The following MGAT5 variants were observed in gnomAD, a reference collection of about 807,000 sequenced individuals.
MGAT5 encodes alpha-1,6-mannosylglycoprotein 6-beta-N-acetylglucosaminyltransferase A.
In MGAT5, 30 loss-of-function variants were observed where a neutral mutation model predicts 94.3. The ratio of observed to expected loss-of-function variants is 0.32; its 90% CI spans 0.24 to 0.43. The LOEUF is 0.43. Ranked by LOEUF, MGAT5 falls within the 20% of genes least tolerant of loss-of-function variation. The probability of loss-of-function intolerance (pLI) is 1.00; values close to 1 mark genes in which losing one functional copy is unlikely to be tolerated. For missense variants in MGAT5, 691 were observed against 905.5 expected (o/e 0.76, Z 3.04); for synonymous variants, 310 against 322.9 (o/e 0.96, Z 0.43).
intron 1 of MGAT5, among the ~76,000 whole-genome samples, chr2:134,215,750 T>C (rs1680462208): frequency 6.6e-6 from 1 of 152,202 alleles, no homozygotes; most frequent in Admixed American, 6.5e-5. Flanking sequence ...TTTGGGATCA[T>C]GGGGGTACAC....
intron 2 of MGAT5, among the ~76,000 whole-genome samples, chr2:134,301,302 T>A (rs968530384): frequency 1.3e-5 from 2 of 152,154 alleles, no homozygotes; most frequent in African/African-American, 2.4e-5. Context: ...TCATTTCCAG[T>A]TGTGAGCTGT....
intron 1 of MGAT5, among the ~76,000 whole-genome samples, chr2:134,193,788 G>T (rs980857725): frequency 6.7e-6 from 1 of 150,168 alleles, no homozygotes; most frequent in Non-Finnish European, 1.5e-5. Flanking sequence ...TTAATCAATC[G>T]CGATGAAAGT....
intron 1 of MGAT5, among the ~76,000 whole-genome samples, chr2:134,160,222 G>A (rs1687667115): frequency 6.6e-6 from 1 of 152,160 alleles, no homozygotes; most frequent in South Asian, 2.1e-4. Context: ...TGTCCAGGCT[G>A]GAGTGCAGTG....
chr2:134,122,872 C>T (rs980341196), intron 1 of MGAT5, among the ~76,000 whole-genome samples: 2 of 152,230 alleles, frequency 1.3e-5, no homozygotes, highest in African/African-American at 4.8e-5. Context: ...CCAGATCTGC[C>T]GGTGGCAACC....
rs1446316045 is a variant in MGAT5 at position 134,280,678 on chromosome 2, C to T, written c.406+10128C>T. Among the ~76,000 whole-genome samples, 3 of 152,204 alleles carry T rather than the reference C, an allele frequency of 2.0e-5. No homozygotes were observed. The East Asian group carries it at 5.8e-4, about 29-fold the overall frequency. ...TCCCCCTTCGGGGGACTTGATTAAA[C>T]AGCAGCCACATGATTATGGGACCCT... On this transcript the variant is annotated intron_variant, in intron 2 of 15. Transcript: ENST00000281923.
At chr2:134,144,723 A>G (rs559942096) in intron 1 of MGAT5, among the ~76,000 whole-genome samples, 12 of 152,334 alleles carry the variant, frequency 7.9e-5, no homozygotes, top group African/African-American at 2.6e-4. Flanking sequence ...TTAATTTTAA[A>G]ATAAGTCATA....
chr2:134,330,584 T>TGTGTGTGTGTGTGTGTGTGTGTGTGTG (rs1553447778), intron 4 of MGAT5, among the ~76,000 whole-genome samples: 1 of 151,580 alleles, frequency 6.6e-6, no homozygotes, highest in African/African-American at 2.4e-5. Context: ...TGTGTGTGTG[T>TGTGTGTGTGTGTGTGTGTGTGTGTGTG]TACGAAGCCC....
intron 11 of MGAT5, among the ~76,000 whole-genome samples, 175 bp from the exon 12 acceptor site, chr2:134,412,694 T>C (rs1683739654): frequency 6.6e-6 from 1 of 152,094 alleles, no homozygotes; most frequent in African/African-American, 2.4e-5. Flanking sequence ...GTTTTTCAGA[T>C]CCTGGTGTAA....
rs552173547 is a variant in MGAT5 at position 134,433,160 on chromosome 2, T to C, written c.1869+4721T>C. On this transcript the variant is annotated intron_variant, in intron 14 of 15. Transcript: ENST00000281923. ...TTTTTAGATGAGCCTTTTCTGGAGA[T>C]TTCTGGCTTTCACTTAGCATGATGT... Among the ~76,000 whole-genome samples the C allele has an allele frequency of 3.3e-5, 5 of 152,364 alleles. No homozygotes were observed. In the South Asian group the frequency reaches 1.0e-3, roughly 32 times the overall value.
rs1314106991 is a variant in MGAT5 at position 134,355,069 on chromosome 2, CT to C, written c.1246+5132del. ...TCCCGACCATATTCCTCCCCAGGTCCTGGCCCCGGTCTCACCAAACAGCCTG... is the reference window on the plus strand; with the variant it reads ...TCCCGACCATATTCCTCCCCAGGTCCGGCCCCGGTCTCACCAAACAGCCTG... On this transcript the variant is annotated intron_variant, in intron 9 of 15. Transcript: ENST00000281923. Among the ~76,000 whole-genome samples, 5 of 152,188 alleles carry C rather than the reference CT, an allele frequency of 3.3e-5. No homozygotes were observed. In the East Asian group the frequency reaches 9.6e-4, roughly 29 times the overall value.
At chr2:134,294,912 A>C (rs888598158) in intron 2 of MGAT5, among the ~76,000 whole-genome samples, 1 of 152,180 alleles carries the variant, frequency 6.6e-6, no homozygotes, top group African/African-American at 2.4e-5. Flanking sequence ...AATCAGGACA[A>C]ATACAGAATG....
chr2:134,383,893 G>A lies in MGAT5; in HGVS notation c.1381-19095G>A, dbSNP rs113504361. On this transcript the variant is annotated intron_variant, in intron 10 of 15. Transcript: ENST00000281923. ...GACGGGGTTTTACCGTGTTAGCCAGGATGGTCTTTATATCCTGACCTCGTC... is the reference window on the plus strand; with the variant it reads ...GACGGGGTTTTACCGTGTTAGCCAGAATGGTCTTTATATCCTGACCTCGTC... Among the ~76,000 whole-genome samples, 603 of 152,204 alleles carry A rather than the reference G, an allele frequency of 4.0e-3. 6 individuals are homozygous for A. Among genetic ancestry groups the A allele is most frequent in the African/African-American group, 0.014 (566 of 41,526 alleles).
chr2:134,304,563 G>A (rs572111555), intron 2 of MGAT5, among the ~76,000 whole-genome samples: 4 of 152,226 alleles, frequency 2.6e-5, no homozygotes, highest in African/African-American at 9.6e-5. Context: ...TTGATGAATA[G>A]CATTCCAGGA....
At chr2:134,173,050 C>T (rs1688293234) in intron 1 of MGAT5, among the ~76,000 whole-genome samples, 1 of 152,190 alleles carries the variant, frequency 6.6e-6, no homozygotes, top group African/African-American at 2.4e-5. Context: ...AGGCTTCTCT[C>T]TAGCTGTCAC....
In MGAT5 at chr2:134,334,496, C is replaced by CT. The variant is rs59933611; in HGVS notation, c.574-1698dup. On this transcript the variant is annotated intron_variant, in intron 4 of 15. Coordinates refer to ENST00000281923, the MANE Select transcript of MGAT5 (RefSeq NM_002410.5). ...CAAATCTCTACTTTCCTTGCTCATC[C>CT]TTTTTTTTTTTTTTTTTTTTTTTGC... 3.7e-3 allele frequency among the ~76,000 whole-genome samples: 125 copies of CT among 34,112 alleles called. 23 individuals are homozygous for CT. Among genetic ancestry groups the CT allele is most frequent in the African/African-American group, 0.011 (87 of 8,264 alleles). 22.4% of individuals were successfully genotyped at this position (34,112 alleles called of 152,430 possible).
intron 2 of MGAT5, among the ~76,000 whole-genome samples, chr2:134,313,174 C>T (rs573166350): frequency 1.3e-5 from 2 of 152,156 alleles, no homozygotes; most frequent in Admixed American, 1.3e-4. Context: ...CTGTACACGT[C>T]TCTCTCGATA....
At chr2:134,365,259 A>T (rs1680353498) in intron 10 of MGAT5, among the ~76,000 whole-genome samples, 1 of 152,156 alleles carries the variant, frequency 6.6e-6, no homozygotes, top group Non-Finnish European at 1.5e-5. Context: ...TCTTGAGGGA[A>T]TCTCCCTACT....
At chr2:134,420,254 C>T (rs1269654374) in intron 12 of MGAT5, among the ~76,000 whole-genome samples, 1 of 152,012 alleles carries the variant, frequency 6.6e-6, no homozygotes, top group African/African-American at 2.4e-5. Context: ...AGGTGATTAG[C>T]AGGAAGCGTA....
chr2:134,131,108 C>T (rs975039726), intron 1 of MGAT5, among the ~76,000 whole-genome samples: 1 of 152,194 alleles, frequency 6.6e-6, no homozygotes, highest in Non-Finnish European at 1.5e-5. Flanking sequence ...CCTTTATGTG[C>T]TGTAACACTC....
Sources: allele counts gnomAD v4.1 joint callset (sites outside exome capture counted in the v4.1 genomes callset), GRCh38; gene constraint gnomAD v4.1.1; transcripts MANE v1.5; gene names NCBI Gene and HGNC (gene_info 2026-07-23, HGNC 2026-07-21).